Variants in BICD1 observed in about 807,000 individuals in gnomAD.
BICD1 encodes BICD cargo adaptor 1, also known as protein bicaudal D homolog 1.
In BICD1, 35 loss-of-function variants were observed where a neutral mutation model predicts 92.5. The ratio of observed to expected loss-of-function variants is 0.38; its 90% confidence interval spans 0.29 to 0.50. The LOEUF (loss-of-function observed/expected upper bound fraction) is 0.50. Ranked by LOEUF, BICD1 falls within the 20% of genes least tolerant of loss-of-function variation. The pLI, the probability that BICD1 is intolerant of heterozygous loss-of-function variation, is 0.93. For missense variants in BICD1, 950 were observed against 1,189.8 expected (o/e 0.80, Z 2.97); for synonymous variants, 429 against 465.1 (o/e 0.92, Z 1.00).
Position 32,382,854 on chromosome 12 carries a change from A to G in BICD1, c.*5227A>G, listed in dbSNP as rs1203661365. The G allele has an allele frequency of 1.3e-5, 2 of 152,084 alleles. No individual in the cohort carries two copies. Among genetic ancestry groups the G allele is most frequent in the Admixed American group, 1.3e-4 (2 of 15,248 alleles). The allele number at this position is 152,084 out of a possible 1,614,324, so 9.4% of individuals were successfully genotyped here. On this transcript the variant is annotated 3_prime_UTR_variant, in exon 10 of 10. Transcript: ENST00000652176. ...CATTTTATTTAAAAATAATTATTCAATGATAGATAATGGAGATACAGAATG... is the reference window on the plus strand; with the variant it reads ...CATTTTATTTAAAAATAATTATTCAGTGATAGATAATGGAGATACAGAATG...
chr12:32,381,397 A>G lies in BICD1; in HGVS notation c.*3770A>G, dbSNP rs1342632267. 2 of 152,116 alleles carry G rather than the reference A, an allele frequency of 1.3e-5. No individual in the cohort carries two copies. The highest frequency in any genetic ancestry group is 2.9e-5 in the Non-Finnish European group (2 of 67,966). 9.4% of individuals were successfully genotyped at this position (152,116 alleles called of 1,614,324 possible). ...TTCGTCTTTATTTAAAAGGATCTTCAGTCTACAACATTTGCTTTTTTCGTG... is the reference window on the plus strand; with the variant it reads ...TTCGTCTTTATTTAAAAGGATCTTCGGTCTACAACATTTGCTTTTTTCGTG... On this transcript the variant is annotated 3_prime_UTR_variant, in exon 10 of 10. Coordinates refer to ENST00000652176, the MANE Select transcript of BICD1 (RefSeq NM_001714.4).
At chr12:32,301,619 G>GA (rs55667440) in intron 3 of BICD1, among the ~76,000 whole-genome samples, 24,962 of 149,258 alleles carry the variant, frequency 0.17, 2,643 homozygotes, top group African/African-American at 0.3. Context: ...TCTACAAAAA[G>GA]AAAAAAAAAG....
chr12:32,137,067 A>C (rs1942757450), intron 1 of BICD1, among the ~76,000 whole-genome samples: 1 of 151,994 alleles, frequency 6.6e-6, no homozygotes, highest in Non-Finnish European at 1.5e-5. Context: ...TTTTTAAGTT[A>C]GGTTTTTTTG....
rs187831038 is a variant in BICD1, at chr12:32,181,436, A to G, written c.214-34811A>G. The stretch of plus-strand genomic sequence containing the variant: ...CTCTGTCTCAAAAAAAAAAAAATTT[A>G]CTTTTTATTATAAATTTGTCATATT... On this transcript the variant is annotated intron_variant, in intron 1 of 9. Transcript: ENST00000652176. 2.0e-3 allele frequency among the ~76,000 whole-genome samples: 306 copies of G among 151,802 alleles called. 6 individuals are homozygous for G. The highest frequency in any genetic ancestry group is 2.9e-3 in the Non-Finnish European group (197 of 67,844).
At chr12:32,284,842 A>C (rs747985965) in intron 2 of BICD1, among the ~76,000 whole-genome samples, 4 of 152,212 alleles carry the variant, frequency 2.6e-5, no homozygotes, top group Non-Finnish European at 5.9e-5. Flanking sequence ...CCAAGCACTG[A>C]CTATATTTTG....
intron 5 of BICD1, among the ~76,000 whole-genome samples, chr12:32,329,942 G>A (rs73295877): frequency 0.023 from 3,572 of 152,246 alleles, 132 homozygotes; most frequent in African/African-American, 0.08. Context: ...TGTTGGTGTT[G>A]ATAAAGAGAA....
Position 32,380,928 on chromosome 12 carries a change from A to G in BICD1, c.*3301A>G, listed in dbSNP as rs1426995629. The G allele has an allele frequency of 1.3e-5, 2 of 152,148 alleles. No individual in the cohort carries two copies. Among genetic ancestry groups the G allele is most frequent in the Admixed American group, 1.3e-4 (2 of 15,264 alleles). The allele number at this position is 152,148 out of a possible 1,614,324, so 9.4% of individuals were successfully genotyped here. On this transcript the variant is annotated 3_prime_UTR_variant, in exon 10 of 10. Coordinates refer to ENST00000652176, the MANE Select transcript of BICD1 (RefSeq NM_001714.4). Reference sequence around the variant, plus strand: ...AGGATGTATAGTAACTCTAGGAAAGAGATTTTTAACACTGGGAAATTAACG... The same window carrying G: ...AGGATGTATAGTAACTCTAGGAAAGGGATTTTTAACACTGGGAAATTAACG...
chr12:32,171,981 ACACACACACT>A (rs1264370341), intron 1 of BICD1, among the ~76,000 whole-genome samples: 5 of 130,524 alleles, frequency 3.8e-5, no homozygotes, highest in African/African-American at 1.4e-4. Flanking sequence ...ACACACACAC[ACACACACACT>A]AAAACTGCTG....
intron 2 of BICD1, among the ~76,000 whole-genome samples, chr12:32,234,261 A>G (rs1945990861): frequency 1.3e-5 from 2 of 152,168 alleles, no homozygotes; most frequent in Admixed American, 1.3e-4. Flanking sequence ...TTTTAGAAAT[A>G]GTTTTCTGAT....
At chr12:32,319,380 A>G (rs914631465) in intron 4 of BICD1, among the ~76,000 whole-genome samples, 1 of 152,098 alleles carries the variant, frequency 6.6e-6, no homozygotes, top group African/African-American at 2.4e-5. Flanking sequence ...TTCTATTAGT[A>G]TGGTATATTA....
At chr12:32,218,004 A>G (rs1462162908) in intron 2 of BICD1, among the ~76,000 whole-genome samples, 1 of 152,188 alleles carries the variant, frequency 6.6e-6, no homozygotes, top group Non-Finnish European at 1.5e-5. Flanking sequence ...TGAGTCGAGT[A>G]TTCTTGATGG....
At chr12:32,254,248 A>AC (rs1946658103) in intron 2 of BICD1, among the ~76,000 whole-genome samples, 4 of 138,136 alleles carry the variant, frequency 2.9e-5, no homozygotes, top group East Asian at 4.5e-4. Flanking sequence ...GCCATATCCC[A>AC]CTTGCCATAT....
chr12:32,338,645 A>G, intron 7 of BICD1, 141 bp from the exon 8 acceptor site: 2 of 731,826 alleles, frequency 2.7e-6, no homozygotes, highest in South Asian at 4.6e-5. Context: ...AACTAAAAAA[A>G]AAAAAAGCAA....
chr12:32,263,549 GAA>G (rs570635188), intron 2 of BICD1, among the ~76,000 whole-genome samples: 2 of 99,286 alleles, frequency 2.0e-5, no homozygotes. Context: ...ATCCCAAAAA[GAA>G]AAAAAAAAAA....
At chr12:32,285,585 T>G (rs1947540906) in intron 2 of BICD1, among the ~76,000 whole-genome samples, 1 of 152,220 alleles carries the variant, frequency 6.6e-6, no homozygotes, top group Non-Finnish European at 1.5e-5. Context: ...AGAAATCTTT[T>G]TAATGTTAAT....
At chr12:32,203,235 T>G (rs183013129) in intron 1 of BICD1, among the ~76,000 whole-genome samples, 9 of 152,326 alleles carry the variant, frequency 5.9e-5, no homozygotes, top group Admixed American at 3.9e-4. Context: ...GGCAAAACTT[T>G]GAAACTTTTG....
intron 1 of BICD1, among the ~76,000 whole-genome samples, chr12:32,166,197 G>T (rs1233426078): frequency 6.6e-6 from 1 of 151,622 alleles, no homozygotes; most frequent in African/African-American, 2.4e-5. Flanking sequence ...GTGCAGTGGC[G>T]CAATCTCGGC....
intron 2 of BICD1, 103 bp from the exon 3 acceptor site, chr12:32,293,891 C>T (rs1947790083): frequency 3.3e-6 from 4 of 1,200,588 alleles, no homozygotes; most frequent in South Asian, 3.2e-5. Context: ...CAATTTACAC[C>T]CCATGAGGTG....
intron 4 of BICD1, among the ~76,000 whole-genome samples, chr12:32,311,403 G>A (rs1363915447): frequency 6.6e-6 from 1 of 152,152 alleles, no homozygotes; most frequent in Non-Finnish European, 1.5e-5. Context: ...GGAGGCTGAG[G>A]CAGGAGAATC....
Sources: allele counts gnomAD v4.1 joint callset (sites outside exome capture counted in the v4.1 genomes callset), GRCh38; gene constraint gnomAD v4.1.1; transcripts MANE v1.5; gene names NCBI Gene and HGNC (gene_info 2026-07-23, HGNC 2026-07-21).